The following CACNA1C variants were observed in gnomAD, a reference collection of about 807,000 sequenced individuals.
The protein encoded by CACNA1C is voltage-dependent L-type calcium channel subunit alpha-1C.
In CACNA1C, 30 loss-of-function variants were observed where a neutral mutation model predicts 229.0. That is an observed-to-expected ratio of 0.13 (90% CI 0.10 to 0.18). The LOEUF is 0.18. Among genes scored for constraint, CACNA1C ranks in the 10% least tolerant of loss-of-function variants. The pLI, the probability that CACNA1C is intolerant of heterozygous loss-of-function variation, is 1.00. For missense variants in CACNA1C, 1,658 were observed against 2,845.0 expected (o/e 0.58, Z 9.49); for synonymous variants, 1,114 against 1,132.5 (o/e 0.98, Z 0.33).
At chr12:2,327,444 T>G (rs561520883) in intron 3 of CACNA1C, among the ~76,000 whole-genome samples, 1 of 152,354 alleles carries the variant, frequency 6.6e-6, no homozygotes, top group South Asian at 2.1e-4. Context: ...GGTTCATTGG[T>G]AGCGTCAGGA....
chr12:2,438,214 G>A (rs1172857429), intron 3 of CACNA1C, among the ~76,000 whole-genome samples: 3 of 149,378 alleles, frequency 2.0e-5, no homozygotes, highest in African/African-American at 7.5e-5. Context: ...TGATGGTGGT[G>A]GTGGTGGTGG....
Position 2,557,562 on chromosome 12 carries a change from C to T in CACNA1C, c.1508+585C>T, listed in dbSNP as rs377044673. 5.3e-5 allele frequency among the ~76,000 whole-genome samples: 8 copies of T among 152,356 alleles called. No individual in the cohort carries two copies. The South Asian group carries it at 6.2e-4, about 12-fold the overall frequency. ...CCTGTCCTGGTGCACACTGAGGCCC[C>T]TGCATGGAGCCAATCCTTCACTTAA... On this transcript the variant is annotated intron_variant, in intron 11 of 46. Transcript: ENST00000399655.
At chr12:2,035,352 C>G (rs1028578610) in intron 1 of CACNA1C, among the ~76,000 whole-genome samples, 1 of 152,218 alleles carries the variant, frequency 6.6e-6, no homozygotes, top group Non-Finnish European at 1.5e-5. Flanking sequence ...CAAAGAAGGG[C>G]TCTGTTTCTT....
At chr12:2,143,467 T>C (rs765813775) in intron 3 of CACNA1C, among the ~76,000 whole-genome samples, 1 of 151,122 alleles carries the variant, frequency 6.6e-6, no homozygotes, top group African/African-American at 2.4e-5. Context: ...TTTTATAGAT[T>C]ATTTTTTATG....
At chr12:2,003,344 C>G (rs920685066) in intron 1 of CACNA1C, among the ~76,000 whole-genome samples, 2 of 152,134 alleles carry the variant, frequency 1.3e-5, no homozygotes, top group Non-Finnish European at 2.9e-5. Flanking sequence ...ATCTGAAATC[C>G]ATTCATCAAG....
chr12:2,497,368 A>T (rs1012363825), intron 7 of CACNA1C, among the ~76,000 whole-genome samples: 1 of 152,224 alleles, frequency 6.6e-6, no homozygotes, highest in African/African-American at 2.4e-5. Context: ...ACAGAATGAC[A>T]TGGCCACTGA....
At chr12:2,571,941 T>C (rs1024838129) in intron 13 of CACNA1C, among the ~76,000 whole-genome samples, 5 of 152,214 alleles carry the variant, frequency 3.3e-5, no homozygotes, top group Non-Finnish European at 7.3e-5. Flanking sequence ...TGCATGGTCC[T>C]GCCATCAGAC....
At chr12:2,184,792 G>A (rs995734196) in intron 3 of CACNA1C, among the ~76,000 whole-genome samples, 2 of 152,124 alleles carry the variant, frequency 1.3e-5, no homozygotes, top group Non-Finnish European at 2.9e-5. Flanking sequence ...AGAGAACCTT[G>A]CTTTCCAACC....
At position 2,585,488 on chromosome 12, in the gene CACNA1C, G is replaced by A. The variant is rs765111782; in HGVS notation, c.2452G>A (p.Ala818Thr). Reference sequence around the variant, plus strand: ...CACGGCTGACGGAGAGTCTCCACCCGCCACCAAGGTGAGGAGCTGTCTCCT... The same window carrying A: ...CACGGCTGACGGAGAGTCTCCACCCACCACCAAGGTGAGGAGCTGTCTCCT... ...SITADGESPP[A>T]TKINMDDLQP... The change falls in exon 17 of 47, where the codon GCC becomes ACC. Residue 818 changes from alanine (A) to threonine (T), a missense_variant. Coordinates refer to ENST00000399655, the MANE Select transcript of CACNA1C (RefSeq NM_000719.7). The surrounding 1 kb of genome is among the most constrained non-coding windows in gnomAD (Gnocchi z 4.1). 30 of 1,559,784 alleles carry A rather than the reference G, an allele frequency of 1.9e-5. No homozygotes were observed. Among genetic ancestry groups the A allele is most frequent in the South Asian group, 2.4e-5 (2 of 84,026 alleles).
chr12:2,047,956 G>C (rs952496494), intron 1 of CACNA1C, among the ~76,000 whole-genome samples: 1 of 152,214 alleles, frequency 6.6e-6, no homozygotes, highest in Non-Finnish European at 1.5e-5. Flanking sequence ...CACCACTTCC[G>C]ATCTCGACCA....
chr12:2,667,065 A>G (rs1362333960), intron 37 of CACNA1C, among the ~76,000 whole-genome samples: 1 of 152,110 alleles, frequency 6.6e-6, no homozygotes, highest in Non-Finnish European at 1.5e-5. Flanking sequence ...AGCCTAGGCT[A>G]GAGGGGTTCG....
chr12:2,281,830 T>G (rs762607953), intron 3 of CACNA1C, among the ~76,000 whole-genome samples: 4 of 152,218 alleles, frequency 2.6e-5, no homozygotes, highest in Non-Finnish European at 4.4e-5. Flanking sequence ...TTTTTAAAAT[T>G]AAAATTGATA....
chr12:2,181,000 A>G (rs948443785), intron 3 of CACNA1C, among the ~76,000 whole-genome samples: 2 of 152,168 alleles, frequency 1.3e-5, no homozygotes, highest in Non-Finnish European at 2.9e-5. Context: ...GATTTGTTTC[A>G]TGAACATAAC....
intron 3 of CACNA1C, among the ~76,000 whole-genome samples, chr12:2,448,391 T>C (rs1313595959): frequency 6.6e-6 from 1 of 152,212 alleles, no homozygotes; most frequent in Non-Finnish European, 1.5e-5. Context: ...GATTTCACAT[T>C]TCTGGATCGG....
rs1180132530 is a variant in CACNA1C at position 2,648,579 on chromosome 12, G to A, written c.3945+72G>A. On this transcript the variant is annotated intron_variant, in intron 31 of 46. Coordinates refer to ENST00000399655, the MANE Select transcript of CACNA1C (RefSeq NM_000719.7). ...CTAACACCCCCACTCTCCCCACCCC[G>A]AACTCCAGAGTCCCTGGGAGCCCTG... 3.8e-5 allele frequency: 53 copies of A among 1,398,526 alleles called. 1 individual carries two copies. Among genetic ancestry groups the A allele is most frequent in the South Asian group, 5.8e-5 (5 of 85,966 alleles). 86.6% of individuals were successfully genotyped at this position (1,398,526 alleles called of 1,614,324 possible).
rs375798169 is a variant in CACNA1C at position 2,471,914 on chromosome 12, C to A, written c.758-14190C>A. Among the ~76,000 whole-genome samples the A allele has an allele frequency of 1.9e-4, 29 of 152,320 alleles. No individual in the cohort carries two copies. In the East Asian group the frequency reaches 4.6e-3, roughly 24 times the overall value. On this transcript the variant is annotated intron_variant, in intron 5 of 46. Coordinates refer to ENST00000399655, the MANE Select transcript of CACNA1C (RefSeq NM_000719.7). ...CAGGCTGGCCTTGAACTCCTGACCT[C>A]GTGATCCACCTGCCTAGGCCTCCCA...
At chr12:2,226,942 C>T (rs1390555694) in intron 3 of CACNA1C, among the ~76,000 whole-genome samples, 1 of 152,210 alleles carries the variant, frequency 6.6e-6, no homozygotes, top group African/African-American at 2.4e-5. Flanking sequence ...GTGGAAGATG[C>T]TAAACTGGCC....
intron 9 of CACNA1C, among the ~76,000 whole-genome samples, chr12:2,525,085 G>C (rs1382522436): frequency 2.0e-5 from 3 of 152,226 alleles, no homozygotes; most frequent in Non-Finnish European, 4.4e-5. Context: ...CAAAAAGAAA[G>C]ATCAGGACAG....
chr12:2,044,580 G>C (rs1231506294), intron 1 of CACNA1C, among the ~76,000 whole-genome samples: 1 of 152,200 alleles, frequency 6.6e-6, no homozygotes, highest in African/African-American at 2.4e-5. Context: ...TTCCAGGAAT[G>C]TAAATATTTG....
Sources: allele counts gnomAD v4.1 joint callset (sites outside exome capture counted in the v4.1 genomes callset), GRCh38; gene constraint gnomAD v4.1.1; non-coding constraint Gnocchi (gnomAD v3.1); transcripts MANE v1.5; gene names NCBI Gene and HGNC (gene_info 2026-07-23, HGNC 2026-07-21).